Variants in SNAP91 observed in about 807,000 individuals in gnomAD.
SNAP91 encodes clathrin coat assembly protein AP180.
A neutral mutation model predicts 100.3 loss-of-function variants in SNAP91; 27 were observed. That is an observed-to-expected ratio of 0.27 (90% CI 0.20 to 0.37). SNAP91 has a LOEUF of 0.37. SNAP91 is among the 10% of genes least tolerant of loss of function. The pLI is 1.00. For missense variants in SNAP91, 986 were observed against 1,123.7 expected, an observed-to-expected ratio of 0.88 and a Z score of 1.75; for synonymous variants, 404 against 398.6, an observed-to-expected ratio of 1.01 and a Z score of -0.16.
chr6:83,620,383 G>C (rs2096663945), intron 9 of SNAP91, among the ~76,000 whole-genome samples: 1 of 152,200 alleles, frequency 6.6e-6, no homozygotes, highest in Non-Finnish European at 1.5e-5. Context: ...TCTAATCTTA[G>C]AAGAGTAGAA....
At chr6:83,585,853 C>CTT (rs1045371745) in intron 22 of SNAP91, among the ~76,000 whole-genome samples, 15 of 137,174 alleles carry the variant, frequency 1.1e-4, no homozygotes, top group East Asian at 2.1e-4. Context: ...TTTTTTCTTT[C>CTT]TTTTTTTTTT....
intron 22 of SNAP91, among the ~76,000 whole-genome samples, chr6:83,587,838 T>C (rs571531798): frequency 4.6e-5 from 7 of 152,338 alleles, no homozygotes; most frequent in African/African-American, 7.2e-5. Context: ...TATTCCATGA[T>C]GTTCTTTAGT....
chr6:83,573,939 A>G (rs1395555496), intron 26 of SNAP91, among the ~76,000 whole-genome samples: 1 of 152,264 alleles, frequency 6.6e-6, no homozygotes, highest in Admixed American at 6.5e-5. Context: ...AACAGAAGCC[A>G]AAATTGACCA....
At chr6:83,683,279 T>C (rs1045371563) in intron 2 of SNAP91, among the ~76,000 whole-genome samples, 2 of 152,204 alleles carry the variant, frequency 1.3e-5, no homozygotes, top group Non-Finnish European at 2.9e-5. Context: ...ACTCTCTTAG[T>C]AAGTGATACA....
chr6:83,564,957 A>C (rs1430060497), intron 26 of SNAP91, among the ~76,000 whole-genome samples: 2 of 151,828 alleles, frequency 1.3e-5, no homozygotes, highest in East Asian at 3.9e-4. Flanking sequence ...ACTATCAAGA[A>C]AATGAAGAGC....
intron 2 of SNAP91, among the ~76,000 whole-genome samples, chr6:83,695,502 A>G (rs891947732): frequency 6.6e-5 from 10 of 152,280 alleles, no homozygotes; most frequent in African/African-American, 2.4e-4. Flanking sequence ...TCTCCTATAT[A>G]CATTGATGCA....
chr6:83,575,072 T>G lies in SNAP91; in HGVS notation c.2380A>C (p.Asn794His). ...GCTGGAGCTACTTTAGGCTGCCAGT[T>G]GGCTCCACCAGTCAACTTTTTCTCT... ...AGEKKLTGGANWQPKVAPATW... is the reference protein window; with the variant it reads ...AGEKKLTGGAHWQPKVAPATW... The change falls in exon 26 of 30, where the codon AAC becomes CAC. Residue 794 changes from asparagine (N) to histidine (H), a missense_variant. Coordinates refer to ENST00000369694, the MANE Select transcript of SNAP91 (RefSeq NM_001242792.2). The G allele has an allele frequency of 6.2e-7, 1 of 1,607,374 alleles. No homozygotes were observed. Among genetic ancestry groups the G allele is most frequent in the South Asian group, 1.1e-5 (1 of 89,378 alleles).
intron 2 of SNAP91, among the ~76,000 whole-genome samples, chr6:83,684,533 CCAAA>C (rs1296161215): frequency 6.6e-6 from 1 of 152,042 alleles, no homozygotes; most frequent in African/African-American, 2.4e-5. Flanking sequence ...TTGGACCTTG[CCAAA>C]CAAAGTCCTT....
intron 8 of SNAP91, among the ~76,000 whole-genome samples, chr6:83,637,034 G>A (rs2097484412): frequency 6.6e-6 from 1 of 152,138 alleles, no homozygotes; most frequent in African/African-American, 2.4e-5. Context: ...CATTCAGGTT[G>A]CAGTCTCGTA....
chr6:83,624,294 G>A (rs1303864485), intron 8 of SNAP91, among the ~76,000 whole-genome samples: 6 of 152,066 alleles, frequency 3.9e-5, no homozygotes, highest in Non-Finnish European at 5.9e-5. Flanking sequence ...ATTATTCAAA[G>A]TGAAAAGTTG....
At chr6:83,582,379 C>T in intron 22 of SNAP91, 23 bp from the exon 23 acceptor site, 1 of 1,601,096 alleles carries the variant, frequency 6.2e-7, no homozygotes, top group Non-Finnish European at 8.5e-7. Context: ...TCCAAAAAAA[C>T]AAGCAGAAAT....
intron 4 of SNAP91, 58 bp from the exon 5 acceptor site, chr6:83,661,662 T>A: frequency 7.4e-6 from 7 of 945,716 alleles, no homozygotes; most frequent in Non-Finnish European, 1.1e-5. Context: ...AACTGTGCTT[T>A]GCATAGTACT....
chr6:83,665,760 T>C (rs1321251102), intron 2 of SNAP91, among the ~76,000 whole-genome samples, 179 bp from the exon 3 acceptor site: 1 of 152,104 alleles, frequency 6.6e-6, no homozygotes, highest in East Asian at 1.9e-4. Flanking sequence ...TGTACATATA[T>C]TATTTACCCA....
rs1261362396 is a variant in SNAP91, at chr6:83,575,015, G to C, written c.2437C>G (p.Pro813Ala). The change falls in exon 26 of 30, where the codon CCT becomes GCT. Residue 813 changes from proline (P) to alanine (A), a missense_variant. Coordinates refer to ENST00000369694, the MANE Select transcript of SNAP91 (RefSeq NM_001242792.2). ...GGGCTCTGATTGCTACATACCAAAG[G>C]TGCACTTGGTGGAACGCCTGCTGAC... is the stretch of plus-strand genomic sequence containing the variant. Reference protein sequence around the residue: ...TWSAGVPPSAPLQGAVPPTSS... With the variant: ...TWSAGVPPSAALQGAVPPTSS... The C allele has an allele frequency of 2.5e-6, 4 of 1,588,114 alleles. No individual in the cohort carries two copies. Among genetic ancestry groups the C allele is most frequent in the Non-Finnish European group, 3.4e-6 (4 of 1,165,062 alleles).
intron 7 of SNAP91, among the ~76,000 whole-genome samples, 163 bp from the exon 8 acceptor site, chr6:83,641,365 G>A (rs1370220719): frequency 6.6e-6 from 1 of 152,030 alleles, no homozygotes; most frequent in Non-Finnish European, 1.5e-5. Context: ...AAGGGAACCT[G>A]AATAGATTAA....
intron 2 of SNAP91, among the ~76,000 whole-genome samples, chr6:83,707,440 T>C (rs2129083723): frequency 6.6e-6 from 1 of 151,872 alleles, no homozygotes; most frequent in East Asian, 1.9e-4. Context: ...TTCCTCTAAT[T>C]TGGAGAAGGG....
At chr6:83,590,274 G>C (rs1229866616) in intron 22 of SNAP91, among the ~76,000 whole-genome samples, 1 of 152,102 alleles carries the variant, frequency 6.6e-6, no homozygotes, top group Non-Finnish European at 1.5e-5. Context: ...TTACTACTGT[G>C]GTCTTGCAAC....
chr6:83,695,454 A>G (rs938914949), intron 2 of SNAP91, among the ~76,000 whole-genome samples: 10 of 152,104 alleles, frequency 6.6e-5, no homozygotes, highest in African/African-American at 2.2e-4. Flanking sequence ...ATACACTATC[A>G]TTTTAAAAAA....
chr6:83,632,697 T>C (rs894781000), intron 8 of SNAP91, among the ~76,000 whole-genome samples: 2 of 152,242 alleles, frequency 1.3e-5, no homozygotes, highest in Non-Finnish European at 2.9e-5. Context: ...CCAGAGCATT[T>C]TGCATTTCTA....
Sources: allele counts gnomAD v4.1 joint callset (sites outside exome capture counted in the v4.1 genomes callset), GRCh38; gene constraint gnomAD v4.1.1; transcripts MANE v1.5; gene names NCBI Gene and HGNC (gene_info 2026-07-23, HGNC 2026-07-21).